The following ZNF385D variants were observed in gnomAD, a reference collection of about 807,000 sequenced individuals.
ZNF385D encodes the protein zinc finger protein 659.
In ZNF385D, 15 loss-of-function variants were observed where a neutral mutation model predicts 35.8. That is an observed-to-expected ratio of 0.42 (90% CI 0.28 to 0.64). The LOEUF (loss-of-function observed/expected upper bound fraction) is 0.64, where lower values mean the gene tolerates loss of function less well. Among genes scored for constraint, ZNF385D ranks in the 30% least tolerant of loss-of-function variants. The probability of loss-of-function intolerance (pLI) is 0.23; values close to 1 mark genes in which losing one functional copy is unlikely to be tolerated. For synonymous variants in ZNF385D, 212 were observed against 186.8 expected (o/e 1.13, Z -1.10); for missense variants, 474 against 494.6 (o/e 0.96, Z 0.39).
intron 2 of ZNF385D, among the ~76,000 whole-genome samples, chr3:22,210,715 C>T (rs1576501245): frequency 2.0e-5 from 3 of 151,752 alleles, no homozygotes; most frequent in Admixed American, 6.6e-5. Flanking sequence ...ATTAATCTCT[C>T]ACCTACTAGC....
rs1483570844 is a variant in ZNF385D, at chr3:21,496,156, C to T, written c.439+14705G>A. Among the ~76,000 whole-genome samples, 3 of 151,580 alleles carry T rather than the reference C, an allele frequency of 2.0e-5. No homozygotes were observed. In the East Asian group the frequency reaches 5.8e-4, roughly 29 times the overall value. On this transcript the variant is annotated intron_variant, in intron 4 of 7. Coordinates refer to ENST00000281523, the MANE Select transcript of ZNF385D (RefSeq NM_024697.3). Reference sequence around the variant, plus strand: ...AGGTATTATTCCCACTGAAACTCTTCTAAAAAACTTGAGGCGGAGGCACTT... The same window carrying T: ...AGGTATTATTCCCACTGAAACTCTTTTAAAAAACTTGAGGCGGAGGCACTT...
chr3:22,311,000 T>G (rs1345428245), intron 2 of ZNF385D, among the ~76,000 whole-genome samples: 2 of 151,840 alleles, frequency 1.3e-5, no homozygotes, highest in Non-Finnish European at 2.9e-5. Context: ...CTTTGTAGTA[T>G]CATACGATGA....
chr3:22,344,796 T>C (rs2125485569), intron 2 of ZNF385D, among the ~76,000 whole-genome samples: 1 of 152,294 alleles, frequency 6.6e-6, no homozygotes, highest in East Asian at 1.9e-4. Flanking sequence ...GATAAATCCT[T>C]AATAAGTAAA....
chr3:21,946,478 A>C (rs144230197), intron 3 of ZNF385D, among the ~76,000 whole-genome samples: 1 of 152,186 alleles, frequency 6.6e-6, no homozygotes, highest in Non-Finnish European at 1.5e-5. Context: ...TCTCTAATAC[A>C]TATTTTTAAG....
At chr3:22,166,515 T>C (rs1351062942) in intron 3 of ZNF385D, among the ~76,000 whole-genome samples, 1 of 152,202 alleles carries the variant, frequency 6.6e-6, no homozygotes, top group Non-Finnish European at 1.5e-5. Context: ...ACCTTCAGCA[T>C]AGTATTAACT....
At chr3:21,663,592 G>A (rs1218487387) in intron 2 of ZNF385D, among the ~76,000 whole-genome samples, 1 of 151,982 alleles carries the variant, frequency 6.6e-6, no homozygotes, top group Non-Finnish European at 1.5e-5. Context: ...GGAATTTGAT[G>A]CTGAGCAAGG....
At chr3:21,536,372 T>C (rs141569499) in intron 3 of ZNF385D, among the ~76,000 whole-genome samples, 30 of 152,186 alleles carry the variant, frequency 2.0e-4, no homozygotes, top group East Asian at 1.9e-3. Context: ...CAAGAATGAA[T>C]TGGGGCAAAG....
At chr3:21,742,414 A>G (rs2069559954) in intron 1 of ZNF385D, among the ~76,000 whole-genome samples, 1 of 152,160 alleles carries the variant, frequency 6.6e-6, no homozygotes, top group Non-Finnish European at 1.5e-5. Flanking sequence ...TTAAATTGCT[A>G]CTTATAGATC....
intron 3 of ZNF385D, among the ~76,000 whole-genome samples, chr3:21,812,458 G>A (rs924285290): frequency 1.2e-4 from 18 of 152,252 alleles, no homozygotes; most frequent in African/African-American, 2.2e-4. Context: ...AAGGGAAGCC[G>A]TGATAGACGC....
intron 3 of ZNF385D, among the ~76,000 whole-genome samples, chr3:21,757,867 A>G (rs891655825): frequency 6.6e-6 from 1 of 152,192 alleles, no homozygotes. Context: ...TCATGCTATA[A>G]CCAATGCCTC....
At chr3:22,195,426 A>G (rs1463249282) in intron 2 of ZNF385D, among the ~76,000 whole-genome samples, 1 of 151,926 alleles carries the variant, frequency 6.6e-6, no homozygotes, top group Non-Finnish European at 1.5e-5. Flanking sequence ...TGGCAGGGCC[A>G]CCCTGAAGGT....
intron 3 of ZNF385D, among the ~76,000 whole-genome samples, chr3:21,757,739 T>A (rs920925115): frequency 6.6e-6 from 1 of 152,208 alleles, no homozygotes; most frequent in Admixed American, 6.5e-5. Flanking sequence ...TTCACCTTTA[T>A]CTCATACAGA....
intron 1 of ZNF385D, among the ~76,000 whole-genome samples, chr3:21,732,212 G>C (rs1258698705): frequency 6.6e-6 from 1 of 151,574 alleles, no homozygotes; most frequent in African/African-American, 2.4e-5. Context: ...ACCACACCCG[G>C]CTAATTTTTT....
At chr3:22,243,735 A>G (rs137883409) in intron 2 of ZNF385D, among the ~76,000 whole-genome samples, 1,964 of 151,004 alleles carry the variant, frequency 0.013, 122 homozygotes, top group South Asian at 0.09. Context: ...GCTCTCAGAT[A>G]TTGAGCCTGG....
intron 3 of ZNF385D, among the ~76,000 whole-genome samples, chr3:21,756,660 G>C (rs942681885): frequency 6.6e-6 from 1 of 152,180 alleles, no homozygotes; most frequent in Admixed American, 6.5e-5. Flanking sequence ...GACATTATAA[G>C]AGCAAAAGCA....
intron 2 of ZNF385D, among the ~76,000 whole-genome samples, chr3:21,591,014 G>A (rs1296785278): frequency 6.6e-6 from 1 of 151,768 alleles, no homozygotes; most frequent in African/African-American, 2.4e-5. Context: ...GGGTAAAATA[G>A]CAAGACCTTG....
intron 3 of ZNF385D, among the ~76,000 whole-genome samples, chr3:21,800,321 G>C (rs901453117): frequency 2.0e-5 from 3 of 152,158 alleles, no homozygotes; most frequent in Admixed American, 6.6e-5. Context: ...TGAATCTTTA[G>C]ATTGCCTTGG....
intron 3 of ZNF385D, among the ~76,000 whole-genome samples, chr3:21,973,940 G>C (rs190793694): frequency 1.1e-3 from 170 of 151,720 alleles, no homozygotes; most frequent in African/African-American, 3.9e-3. Flanking sequence ...AAAATGAAAA[G>C]GTATTCTATG....
At chr3:21,681,686 A>ATT (rs199895109) in intron 1 of ZNF385D, among the ~76,000 whole-genome samples, 1 of 119,264 alleles carries the variant, frequency 8.4e-6, no homozygotes, top group African/African-American at 3.1e-5. Context: ...ACTAAGAATG[A>ATT]TAAAAAAAAA....
Sources: allele counts gnomAD v4.1 joint callset (sites outside exome capture counted in the v4.1 genomes callset), GRCh38; gene constraint gnomAD v4.1.1; transcripts MANE v1.5; gene names NCBI Gene and HGNC (gene_info 2026-07-23, HGNC 2026-07-21).